SPPL2B: variants seen among roughly 807,000 people sequenced by gnomAD.
The protein encoded by SPPL2B is signal peptide peptidase like 2B.
SPPL2B carries 39 observed loss-of-function variants against 59.7 expected under a neutral mutation model. The observed-to-expected ratio is 0.65, with a 90% CI of 0.51 to 0.85. The LOEUF (loss-of-function observed/expected upper bound fraction) is 0.85. Among genes scored for constraint, SPPL2B ranks in the 40% least tolerant of loss-of-function variants. SPPL2B has a pLI of 0.00. For missense variants in SPPL2B, 865 were observed against 849.0 expected, an observed-to-expected ratio of 1.02 and a Z score of -0.23; for synonymous variants, 419 against 370.8, an observed-to-expected ratio of 1.13 and a Z score of -1.49.
chr19:2,340,574 C>A, intron 7 of SPPL2B: 1 of 545,310 alleles, frequency 1.8e-6, no homozygotes, highest in Admixed American at 3.1e-5. Context: ...GCGGGGCTAG[C>A]CCAGGGGGAG....
At chr19:2,334,865 C>T in intron 2 of SPPL2B, 144 bp downstream of exon 2, 1 of 1,132,808 alleles carries the variant, frequency 8.8e-7, no homozygotes, top group South Asian at 1.7e-5. Flanking sequence ...TAGCTGGCCC[C>T]CAGTTCCCCT....
chr19:2,339,719 CT>C, intron 5 of SPPL2B, 104 bp from the exon 6 acceptor site: 1 of 1,386,740 alleles, frequency 7.2e-7, no homozygotes, highest in Non-Finnish European at 9.9e-7. Context: ...GGGTCCCCTC[CT>C]GCTCCCGGGT....
intron 2 of SPPL2B, among the ~76,000 whole-genome samples, chr19:2,336,254 T>A (rs2145149938): frequency 6.8e-6 from 1 of 147,694 alleles, no homozygotes; most frequent in East Asian, 2.0e-4. Context: ...CATGCAATAG[T>A]TTTGTGTATG....
In SPPL2B at chr19:2,353,498, C is replaced by T; in HGVS notation, c.*289C>T. 2.2e-6 allele frequency: 1 copy of T among 458,628 alleles called. No homozygotes were observed. Among genetic ancestry groups the T allele is most frequent in the Non-Finnish European group, 3.9e-6 (1 of 257,354 alleles). 28.4% of individuals were successfully genotyped at this position (458,628 alleles called of 1,614,324 possible). The stretch of plus-strand genomic sequence containing the variant: ...TCCGTCCTCGCAGGCCCTGCCCGGC[C>T]TCTCTGCAGACCCTCAAGCGTCGTC... On this transcript the variant is annotated 3_prime_UTR_variant, in exon 15 of 15. Transcript: ENST00000613503.
chr19:2,329,574 C>G (rs575231859), intron 1 of SPPL2B, among the ~76,000 whole-genome samples: 3 of 152,140 alleles, frequency 2.0e-5, no homozygotes, highest in Non-Finnish European at 4.4e-5. Context: ...GCAATGGAAC[C>G]TGGAGCAGCC....
chr19:2,345,426 A>C (rs1197027390), intron 13 of SPPL2B, 96 bp downstream of exon 13: 21 of 980,794 alleles, frequency 2.1e-5, no homozygotes, highest in Non-Finnish European at 3.3e-5. Context: ...CCCAACCCCA[A>C]CCCTAACCCT....
intron 14 of SPPL2B, among the ~76,000 whole-genome samples, chr19:2,352,393 G>A (rs909129949): frequency 1.3e-5 from 2 of 152,192 alleles, no homozygotes; most frequent in African/African-American, 2.4e-5. Flanking sequence ...GGGAGATGCC[G>A]CGCTTCTCAG....
chr19:2,339,742 T>A (rs1158148022), intron 5 of SPPL2B, 82 bp from the exon 6 acceptor site: 8 of 1,520,564 alleles, frequency 5.3e-6, no homozygotes, highest in Non-Finnish European at 2.7e-6. Context: ...TTCTGCCCCG[T>A]TCCCCCGGGT....
chr19:2,334,709 C>T lies in SPPL2B; in HGVS notation c.174C>T (p.Asp58=), dbSNP rs1314734264. ...YNPQWAHLPH[D]LSKASFLQLR... ...CGCAGTGGGCCCATCTTCCGCACGA[C>T]CTCAGCAAGGCAGTGAGTACCCGCT... The change falls in exon 2 of 15, where the codon GAC becomes GAT. Residue 58 remains aspartate (D), a synonymous_variant. Transcript: ENST00000613503. 1 of 1,607,814 alleles carries T rather than the reference C, an allele frequency of 6.2e-7. No individual in the cohort carries two copies. The highest frequency in any genetic ancestry group is 8.5e-7 in the Non-Finnish European group (1 of 1,176,880).
intron 13 of SPPL2B, among the ~76,000 whole-genome samples, chr19:2,347,410 C>T (rs1489781113): frequency 2.0e-5 from 1 of 50,920 alleles, no homozygotes; most frequent in Non-Finnish European, 3.8e-5. Context: ...CACACGCGCT[C>T]TCATTCGCCT....
intron 1 of SPPL2B, among the ~76,000 whole-genome samples, chr19:2,329,903 G>C: frequency 6.6e-6 from 1 of 152,164 alleles, no homozygotes; most frequent in Admixed American, 6.5e-5. Context: ...CTGCAAGGCT[G>C]TCGGGCCCCC....
At chr19:2,342,908 C>T (rs376403733) in intron 8 of SPPL2B, 21 of 382,222 alleles carry the variant, frequency 5.5e-5, no homozygotes, top group Middle Eastern at 8.0e-4. Context: ...CTGGGGACAG[C>T]GACCGAGGAG....
Position 2,328,780 on chromosome 19 carries a change from G to A in SPPL2B, c.66+5G>A, listed in dbSNP as rs1274899199. 1 of 1,423,814 alleles carries A rather than the reference G, an allele frequency of 7.0e-7. No homozygotes were observed. Among genetic ancestry groups the A allele is most frequent in the South Asian group, 1.4e-5 (1 of 69,158 alleles). 88.2% of individuals were successfully genotyped at this position (1,423,814 alleles called of 1,614,324 possible). ...TTTCTGCTCCTCGCGGCCCAGGTGA[G>A]CGCGGCACCGGTCCCGACGGCACCG... On this transcript the variant is annotated splice_donor_5th_base_variant and intron_variant, in intron 1 of 14. Coordinates refer to ENST00000613503, the MANE Select transcript of SPPL2B (RefSeq NM_152988.3).
At chr19:2,343,500 G>C (rs79980491) in intron 9 of SPPL2B, among the ~76,000 whole-genome samples, 1 of 152,156 alleles carries the variant, frequency 6.6e-6, no homozygotes, top group African/African-American at 2.4e-5. Flanking sequence ...TGGCTGCGGG[G>C]CGGTTCCCGG....
chr19:2,353,161 G>T lies in SPPL2B; in HGVS notation c.1731G>T (p.Arg577=), dbSNP rs1454174669. 2 of 1,609,528 alleles carry T rather than the reference G, an allele frequency of 1.2e-6. No individual in the cohort carries two copies. Among genetic ancestry groups the T allele is most frequent in the East Asian group, 4.5e-5 (2 of 44,850 alleles). ...EPGSPAESEG[R]DQAQPSPVTQ... is the part of the protein sequence containing the mutation. Reference sequence around the variant, plus strand: ...GGAGCCCAGCTGAATCCGAGGGCCGGGACCAGGCCCAGCCGTCCCCGGTAA... The same window carrying T: ...GGAGCCCAGCTGAATCCGAGGGCCGTGACCAGGCCCAGCCGTCCCCGGTAA... Residue 577 remains arginine, a synonymous_variant, in exon 15 of 15, where the codon CGG becomes CGT. Coordinates refer to ENST00000613503, the MANE Select transcript of SPPL2B (RefSeq NM_152988.3).
chr19:2,345,072 C>G (rs1969289078), intron 12 of SPPL2B, among the ~76,000 whole-genome samples, 181 bp from the exon 13 acceptor site: 1 of 152,160 alleles, frequency 6.6e-6, no homozygotes. Flanking sequence ...AGTTTACCCA[C>G]TGAGAGTCAT....
chr19:2,349,119 C>T (rs1468144408), intron 13 of SPPL2B, among the ~76,000 whole-genome samples: 1 of 87,766 alleles, frequency 1.1e-5, no homozygotes, highest in African/African-American at 5.0e-5. Context: ...TCCATTCTCT[C>T]CCTCCACACA....
chr19:2,340,171 A>G lies in SPPL2B; in HGVS notation c.838A>G (p.Arg280Gly). The change falls in exon 7 of 15, where the codon AGG becomes GGG. Residue 280 changes from arginine (R) to glycine (G), a missense_variant and splice_region_variant. By Grantham distance (125) the Arg-to-Gly change is moderately radical. Transcript: ENST00000613503. ...CVRRLPFGKC[R>G]IPNNSLPYFH... ...GCGGCGGCTGCCCTTCGGCAAGTGCAGGTGAGTCTGCCCTGCTGGCCCCGA... is the reference window on the plus strand; with the variant it reads ...GCGGCGGCTGCCCTTCGGCAAGTGCGGGTGAGTCTGCCCTGCTGGCCCCGA... 2 of 1,563,510 alleles carry G rather than the reference A, an allele frequency of 1.3e-6. No individual in the cohort carries two copies. The highest frequency in any genetic ancestry group is 1.7e-6 in the Non-Finnish European group (2 of 1,162,172).
At chr19:2,336,618 T>G (rs1311511681) in intron 2 of SPPL2B, among the ~76,000 whole-genome samples, 1 of 151,708 alleles carries the variant, frequency 6.6e-6, no homozygotes, top group African/African-American at 2.4e-5. Flanking sequence ...ACACGTGTGC[T>G]GTGTGCTCTG....
Sources: allele counts gnomAD v4.1 joint callset (sites outside exome capture counted in the v4.1 genomes callset), GRCh38; gene constraint gnomAD v4.1.1; transcripts MANE v1.5; gene names NCBI Gene and HGNC (gene_info 2026-07-23, HGNC 2026-07-21).